The following EBF2 variants were observed in gnomAD, a reference collection of about 807,000 sequenced individuals.
EBF2 encodes the protein EBF transcription factor 2, also known as transcription factor COE2.
In EBF2, 21 loss-of-function variants were observed where a neutral mutation model predicts 72.8. The ratio of observed to expected loss-of-function variants is 0.29; its 90% CI spans 0.20 to 0.42. EBF2 has a LOEUF of 0.42. Ranked by LOEUF, EBF2 falls within the 10% of genes least tolerant of loss-of-function variation. The pLI, the probability that EBF2 is intolerant of heterozygous loss-of-function variation, is 1.00. For missense variants in EBF2, 637 were observed against 731.2 expected, an observed-to-expected ratio of 0.87 and a Z score of 1.49; for synonymous variants, 299 against 274.2, an observed-to-expected ratio of 1.09 and a Z score of -0.89.
intron 7 of EBF2, among the ~76,000 whole-genome samples, chr8:25,894,682 C>CA (rs1395413503): frequency 1.3e-5 from 2 of 152,168 alleles, no homozygotes; most frequent in Non-Finnish European, 2.9e-5. Flanking sequence ...CTTTGACCTT[C>CA]AAAAATCTTT....
intron 6 of EBF2, among the ~76,000 whole-genome samples, chr8:25,942,932 A>G (rs1299971407): frequency 6.6e-6 from 1 of 152,150 alleles, no homozygotes; most frequent in Non-Finnish European, 1.5e-5. Flanking sequence ...TGCGTGGTGC[A>G]TGGTCTACCT....
At chr8:25,861,538 T>G (rs182515223) in intron 11 of EBF2, among the ~76,000 whole-genome samples, 164 bp from the exon 12 acceptor site, 1 of 152,346 alleles carries the variant, frequency 6.6e-6, no homozygotes, top group Admixed American at 6.5e-5. Context: ...CAATTGTACA[T>G]GTACATCTCT....
chr8:25,888,086 T>C, intron 8 of EBF2, 114 bp from the exon 9 acceptor site: 1 of 1,195,822 alleles, frequency 8.4e-7, no homozygotes, highest in Non-Finnish European at 1.1e-6. Flanking sequence ...TAAAATACAC[T>C]AATGCTAACG....
intron 6 of EBF2, among the ~76,000 whole-genome samples, chr8:25,922,714 A>T (rs1803324215): frequency 6.6e-6 from 1 of 152,230 alleles, no homozygotes; most frequent in South Asian, 2.1e-4. Flanking sequence ...CTTTGAAAGG[A>T]GTGCTGATAA....
intron 5 of EBF2, among the ~76,000 whole-genome samples, chr8:26,034,092 TA>T (rs1182634763): frequency 3.3e-5 from 5 of 152,320 alleles, no homozygotes; most frequent in Non-Finnish European, 5.9e-5. Context: ...ATATGTAAAA[TA>T]GACTGCAAGT....
chr8:25,856,867 G>A (rs183902301), intron 14 of EBF2, among the ~76,000 whole-genome samples: 55 of 152,298 alleles, frequency 3.6e-4, no homozygotes, highest in African/African-American at 1.3e-3. Flanking sequence ...TAAACTCAGA[G>A]CAAAGTAAAT....
intron 6 of EBF2, among the ~76,000 whole-genome samples, chr8:25,993,768 G>A (rs982379747): frequency 6.6e-6 from 1 of 151,890 alleles, no homozygotes; most frequent in Non-Finnish European, 1.5e-5. Flanking sequence ...CTGAAGAAAT[G>A]TATGCAAATT....
chr8:26,015,454 T>A (rs1276316929), intron 6 of EBF2, among the ~76,000 whole-genome samples: 1 of 152,220 alleles, frequency 6.6e-6, no homozygotes, highest in Admixed American at 6.5e-5. Context: ...TGAGTGCAAC[T>A]AGGTGCTCGC....
chr8:25,853,111 CCTG>C (rs1802016684), intron 14 of EBF2, among the ~76,000 whole-genome samples: 1 of 152,066 alleles, frequency 6.6e-6, no homozygotes, highest in Non-Finnish European at 1.5e-5. Flanking sequence ...AGTACTTTCT[CCTG>C]CTAAACACCA....
rs558797636 is a variant in EBF2, at chr8:25,865,461, G to T, written c.1010-2664C>A. On this transcript the variant is annotated intron_variant, in intron 10 of 15. Coordinates refer to ENST00000520164, the MANE Select transcript of EBF2 (RefSeq NM_022659.4). ...AGACAATCAGCTTTAGAGTTGAGTA[G>T]ATCTAGGGTCTGAATTCCAGCTCCA... is the stretch of plus-strand genomic sequence containing the variant. Among the ~76,000 whole-genome samples the T allele has an allele frequency of 3.3e-5, 5 of 152,244 alleles. No homozygotes were observed. The South Asian group carries it at 1.0e-3, about 32-fold the overall frequency.
intron 6 of EBF2, among the ~76,000 whole-genome samples, chr8:26,017,140 GCAGT>G (rs1365208174): frequency 1.4e-5 from 2 of 146,150 alleles, no homozygotes; most frequent in African/African-American, 5.1e-5. Flanking sequence ...GTTTTGCCAT[GCAGT>G]CCCCTTATTT....
At chr8:25,848,802 GTC>G (rs1401016481) in intron 15 of EBF2, among the ~76,000 whole-genome samples, 1 of 152,178 alleles carries the variant, frequency 6.6e-6, no homozygotes. Context: ...TCCTTGGTCT[GTC>G]TCAATCTGCA....
intron 7 of EBF2, among the ~76,000 whole-genome samples, chr8:25,899,883 A>G (rs561554384): frequency 1.3e-4 from 20 of 152,238 alleles, no homozygotes; most frequent in Admixed American, 7.8e-4. Context: ...GTCAGTCCCA[A>G]CGGGGCCTCA....
chr8:25,892,508 A>C (rs1248455784), intron 7 of EBF2, among the ~76,000 whole-genome samples: 2 of 152,214 alleles, frequency 1.3e-5, no homozygotes, highest in African/African-American at 4.8e-5. Flanking sequence ...CCAAAAAGTC[A>C]TCTTGTGTTC....
chr8:26,023,576 T>C (rs907604612), intron 6 of EBF2, among the ~76,000 whole-genome samples: 16 of 152,176 alleles, frequency 1.1e-4, no homozygotes, highest in Non-Finnish European at 2.1e-4. Flanking sequence ...TCTCCCTCTT[T>C]TCTAAAGAAT....
chr8:25,958,456 T>C (rs771070100), intron 6 of EBF2, among the ~76,000 whole-genome samples: 17 of 152,198 alleles, frequency 1.1e-4, no homozygotes, highest in Non-Finnish European at 2.4e-4. Context: ...AATGAACACA[T>C]CTGCATTCCT....
At chr8:25,945,850 G>A (rs1055466555) in intron 6 of EBF2, among the ~76,000 whole-genome samples, 1 of 151,964 alleles carries the variant, frequency 6.6e-6, no homozygotes, top group African/African-American at 2.4e-5. Flanking sequence ...AAGCACTCAG[G>A]ACTCCTAAAC....
At chr8:25,908,946 C>G (rs1353307034) in intron 6 of EBF2, among the ~76,000 whole-genome samples, 1 of 152,178 alleles carries the variant, frequency 6.6e-6, no homozygotes, top group Non-Finnish European at 1.5e-5. Context: ...CCCAGAATCC[C>G]AGGGCGTCTC....
At chr8:25,991,953 G>C (rs1238297951) in intron 6 of EBF2, among the ~76,000 whole-genome samples, 1 of 152,184 alleles carries the variant, frequency 6.6e-6, no homozygotes, top group African/African-American at 2.4e-5. Context: ...AATTGTGGCA[G>C]AGTCATTCAA....
Sources: gnomAD v4.1 joint callset for allele counts (sites outside exome capture counted in the v4.1 genomes callset) on GRCh38, gnomAD v4.1.1 for gene constraint, MANE v1.5 for transcripts, NCBI Gene and HGNC (gene_info 2026-07-23, HGNC 2026-07-21) for gene names.